Variants in MARCHF6 observed in about 807,000 individuals in gnomAD.
MARCHF6 encodes E3 ubiquitin-protein ligase MARCHF6.
Under a neutral mutation model 133.7 loss-of-function variants are expected in MARCHF6, and 31 were observed. The ratio of observed to expected loss-of-function variants is 0.23; its 90% confidence interval spans 0.17 to 0.31. MARCHF6 has a LOEUF of 0.31. MARCHF6 is among the 10% of genes least tolerant of loss of function. MARCHF6 has a pLI of 1.00. For missense variants in MARCHF6, 723 were observed against 1,121.6 expected, an observed-to-expected ratio of 0.64 and a Z score of 5.08; for synonymous variants, 395 against 402.5, an observed-to-expected ratio of 0.98 and a Z score of 0.22.
chr5:10,362,227 C>T (rs908271978), intron 1 of MARCHF6, among the ~76,000 whole-genome samples: 9 of 152,126 alleles, frequency 5.9e-5, no homozygotes, highest in African/African-American at 2.2e-4. Context: ...TTGGAGATTC[C>T]ATGTCTTTTT....
At chr5:10,430,237 C>T (rs565004687) in intron 25 of MARCHF6, among the ~76,000 whole-genome samples, 2 of 147,494 alleles carry the variant, frequency 1.4e-5, no homozygotes, top group East Asian at 4.0e-4. Flanking sequence ...ATGGAGTTGT[C>T]ATTTATGGAG....
chr5:10,426,004 A>AT (rs1740066369), intron 23 of MARCHF6, among the ~76,000 whole-genome samples: 1 of 152,216 alleles, frequency 6.6e-6, no homozygotes, highest in Non-Finnish European at 1.5e-5. Flanking sequence ...AAATGAATGC[A>AT]ATATTGTATA....
At chr5:10,390,270 C>T in intron 5 of MARCHF6, 62 bp from the exon 6 acceptor site, 40 of 1,319,958 alleles carry the variant, frequency 3.0e-5, no homozygotes, top group Middle Eastern at 2.0e-4. Flanking sequence ...AAATTTTTTA[C>T]CTTTGTTTTC....
intron 1 of MARCHF6, among the ~76,000 whole-genome samples, chr5:10,369,349 G>A (rs1442666275): frequency 6.6e-6 from 1 of 152,166 alleles, no homozygotes; most frequent in Admixed American, 6.5e-5. Context: ...CTCATTGGGT[G>A]TACACTTCAA....
chr5:10,390,589 T>C lies in MARCHF6; in HGVS notation c.576+89T>C, dbSNP rs1014247757. On this transcript the variant is annotated intron_variant, in intron 6 of 25. Transcript: ENST00000274140. ...GAGACTCAAACTCTTGACTTCCATGTCCCTCATAAACATTCTTTTGTTATT... is the reference window on the plus strand; with the variant it reads ...GAGACTCAAACTCTTGACTTCCATGCCCCTCATAAACATTCTTTTGTTATT... 3 of 1,235,020 alleles carry C rather than the reference T, an allele frequency of 2.4e-6. No individual in the cohort carries two copies. In the African/African-American group the frequency reaches 4.6e-5, roughly 19 times the overall value. The allele number at this position is 1,235,020 out of a possible 1,614,324, so 76.5% of individuals were successfully genotyped here.
At chr5:10,387,101 A>G (rs1295901714) in intron 5 of MARCHF6, 35 bp downstream of exon 5, 2 of 1,452,324 alleles carry the variant, frequency 1.4e-6, no homozygotes, top group African/African-American at 2.8e-5. Flanking sequence ...ATGTTGCATG[A>G]TGTAGATGAT....
At chr5:10,385,143 T>C (rs1175437505) in intron 4 of MARCHF6, among the ~76,000 whole-genome samples, 1 of 152,190 alleles carries the variant, frequency 6.6e-6, no homozygotes, top group Non-Finnish European at 1.5e-5. Flanking sequence ...CATTCATCTA[T>C]AGTGGTAGAG....
chr5:10,438,202 C>T lies in MARCHF6; in HGVS notation c.*4518C>T, dbSNP rs923332648. On this transcript the variant is annotated 3_prime_UTR_variant, in exon 26 of 26. Transcript: ENST00000274140. ...TTTTAGCTGAATACTTAGAGTAAAA[C>T]CAATCAAATCCATTGTACATACCTG... 1 of 152,050 alleles carries T rather than the reference C, an allele frequency of 6.6e-6. No individual in the cohort carries two copies. Among genetic ancestry groups the T allele is most frequent in the African/African-American group, 2.4e-5 (1 of 41,400 alleles). The allele number at this position is 152,050 out of a possible 1,614,324, so 9.4% of individuals were successfully genotyped here.
chr5:10,413,774 A>T (rs777560313), intron 19 of MARCHF6, among the ~76,000 whole-genome samples: 36 of 152,116 alleles, frequency 2.4e-4, no homozygotes, highest in Non-Finnish European at 4.0e-4. Context: ...CACTACCAGG[A>T]GAACAGTATG....
intron 16 of MARCHF6, among the ~76,000 whole-genome samples, chr5:10,406,092 G>C (rs1166742375): frequency 6.6e-6 from 1 of 152,150 alleles, no homozygotes; most frequent in Non-Finnish European, 1.5e-5. Context: ...TGGGAACTGC[G>C]AGTGCGAGGG....
At chr5:10,415,804 A>G in intron 21 of MARCHF6, 135 bp downstream of exon 21, 6 of 723,466 alleles carry the variant, frequency 8.3e-6, no homozygotes, top group Non-Finnish European at 1.3e-5. Flanking sequence ...TTTGAATTAG[A>G]AGAAATACTC....
At chr5:10,421,837 A>G (rs1224746499) in intron 22 of MARCHF6, 3 of 152,246 alleles carry the variant, frequency 2.0e-5, no homozygotes, top group Non-Finnish European at 2.9e-5. Flanking sequence ...CTGAAGACGT[A>G]AAAGATCCTT....
intron 1 of MARCHF6, among the ~76,000 whole-genome samples, chr5:10,363,254 A>T (rs1017277493): frequency 6.6e-6 from 1 of 152,220 alleles, no homozygotes; most frequent in Non-Finnish European, 1.5e-5. Flanking sequence ...TGAAGACAGG[A>T]TACAGAAGAT....
At chr5:10,370,797 A>G (rs892347297) in intron 1 of MARCHF6, among the ~76,000 whole-genome samples, 2 of 152,208 alleles carry the variant, frequency 1.3e-5, no homozygotes, top group Non-Finnish European at 2.9e-5. Flanking sequence ...GTTGGCAGTA[A>G]TAAAACCACT....
chr5:10,416,932 C>T (rs1332847020), intron 21 of MARCHF6, among the ~76,000 whole-genome samples: 1 of 152,222 alleles, frequency 6.6e-6, no homozygotes, highest in Non-Finnish European at 1.5e-5. Context: ...CAGAGCCCTC[C>T]CTGTATACCA....
chr5:10,387,306 C>CTTTT (rs1241488268), intron 5 of MARCHF6, among the ~76,000 whole-genome samples: 2 of 139,782 alleles, frequency 1.4e-5, no homozygotes, highest in Non-Finnish European at 1.6e-5. Flanking sequence ...TTCTTTCTTT[C>CTTTT]TTTTTTTTTT....
rs540075970 is a variant in MARCHF6 at position 10,436,647 on chromosome 5, A to C, written c.*2963A>C. The C allele has an allele frequency of 6.6e-6, 1 of 152,340 alleles. No homozygotes were observed. The highest frequency in any genetic ancestry group is 1.9e-4 in the East Asian group (1 of 5,188). The allele number at this position is 152,340 out of a possible 1,614,324, so 9.4% of individuals were successfully genotyped here. A position where few individuals can be genotyped will look rare whatever the true frequency, so the allele number is the denominator to read the frequency against. ...TTACATGACCAGTTATCAAACGGTC[A>C]TAGTATGAAGTGTGCAGTTGTTCAT... On this transcript the variant is annotated 3_prime_UTR_variant, in exon 26 of 26. Transcript: ENST00000274140.
intron 22 of MARCHF6, among the ~76,000 whole-genome samples, chr5:10,422,867 A>G (rs1255489676): frequency 6.6e-6 from 1 of 152,184 alleles, no homozygotes; most frequent in Non-Finnish European, 1.5e-5. Context: ...CATGGATGGT[A>G]TGTACCAAAA....
intron 9 of MARCHF6, among the ~76,000 whole-genome samples, chr5:10,396,371 CAG>C (rs1359252686): frequency 6.6e-6 from 1 of 152,084 alleles, no homozygotes; most frequent in Non-Finnish European, 1.5e-5. Flanking sequence ...GCGAAGATAA[CAG>C]AGGTTGAAGT....
Sources: allele counts gnomAD v4.1 joint callset (sites outside exome capture counted in the v4.1 genomes callset), GRCh38; gene constraint gnomAD v4.1.1; transcripts MANE v1.5; gene names NCBI Gene and HGNC (gene_info 2026-07-23, HGNC 2026-07-21).